Variants in PKHD1 observed in about 807,000 individuals in gnomAD.
The protein encoded by PKHD1 is PKHD1 ciliary IPT domain containing fibrocystin/polyductin.
PKHD1 carries 291 observed loss-of-function variants against 412.0 expected under a neutral mutation model. The observed-to-expected ratio is 0.71, with a 90% CI of 0.64 to 0.78. The LOEUF (loss-of-function observed/expected upper bound fraction) is 0.78. Among genes scored for constraint, PKHD1 ranks in the 30% least tolerant of loss-of-function variants. The pLI is 0.00. For synonymous variants in PKHD1, 1,777 were observed against 1,821.5 expected (o/e 0.98, Z 0.62); for missense variants, 4,825 against 4,950.7 (o/e 0.97, Z 0.76).
chr6:51,896,969 A>G (rs1036795719), intron 43 of PKHD1, among the ~76,000 whole-genome samples: 1 of 151,968 alleles, frequency 6.6e-6, no homozygotes, highest in Non-Finnish European at 1.5e-5. Flanking sequence ...GAGAAAAAAG[A>G]ATAAAAAGAA....
Position 51,680,860 on chromosome 6 carries a change from A to C in PKHD1, c.10157-20891T>G, listed in dbSNP as rs919550109. On this transcript the variant is annotated intron_variant, in intron 60 of 66. Coordinates refer to ENST00000371117, the MANE Select transcript of PKHD1 (RefSeq NM_138694.4). The stretch of plus-strand genomic sequence containing the variant: ...ACGTTTTGCTCTGAGAGCAATGCCA[A>C]TAAAACTTGAAAGGGTGTTAACTGA... Among the ~76,000 whole-genome samples, 47 of 152,178 alleles carry C rather than the reference A, an allele frequency of 3.1e-4. 1 individual carries two copies. Among genetic ancestry groups the C allele is most frequent in the Admixed American group, 2.5e-3 (38 of 15,260 alleles).
intron 53 of PKHD1, among the ~76,000 whole-genome samples, chr6:51,790,574 C>G (rs1358052068): frequency 1.3e-5 from 2 of 152,146 alleles, no homozygotes; most frequent in African/African-American, 4.8e-5. Flanking sequence ...GAGATGCTTG[C>G]CTTCTCCTCA....
chr6:52,022,921 G>A lies in PKHD1; in HGVS notation c.5260C>T (p.His1754Tyr). The change falls in exon 33 of 67, where the codon CAT becomes TAT. Residue 1754 changes from histidine (H) to tyrosine (Y), a missense_variant. Coordinates refer to ENST00000371117, the MANE Select transcript of PKHD1 (RefSeq NM_138694.4). ...NFGCLGGRLV[H>Y]VFGAGFSPGN... Reference sequence around the variant, plus strand: ...GGAGAAAATCCCGCTCCAAACACATGCACCAGCCTTCCACCCAGGCAGCCT... The same window carrying A: ...GGAGAAAATCCCGCTCCAAACACATACACCAGCCTTCCACCCAGGCAGCCT... The A allele has an allele frequency of 6.2e-7, 1 of 1,614,090 alleles. No homozygotes were observed. Among genetic ancestry groups the A allele is most frequent in the Non-Finnish European group, 8.5e-7 (1 of 1,180,012 alleles).
At chr6:51,767,478 C>G (rs1477055938) in intron 55 of PKHD1, among the ~76,000 whole-genome samples, 1 of 152,136 alleles carries the variant, frequency 6.6e-6, no homozygotes, top group East Asian at 1.9e-4. Flanking sequence ...CCCCTCACCC[C>G]ACAACAGTCC....
At chr6:51,663,088 T>C (rs1261394968) in intron 60 of PKHD1, among the ~76,000 whole-genome samples, 1 of 152,032 alleles carries the variant, frequency 6.6e-6, no homozygotes, top group African/African-American at 2.4e-5. Context: ...TTAATGGCCC[T>C]AGAAATTTTG....
In PKHD1 at chr6:51,856,107, A is replaced by C. The variant is rs765362292; in HGVS notation, c.7734-37T>G. 30 of 1,244,774 alleles carry C rather than the reference A, an allele frequency of 2.4e-5. 1 individual carries two copies. The highest frequency in any genetic ancestry group is 1.7e-4 in the Admixed American group (10 of 59,470). 77.1% of individuals were successfully genotyped at this position (1,244,774 alleles called of 1,614,324 possible). On this transcript the variant is annotated intron_variant, in intron 48 of 66. Coordinates refer to ENST00000371117, the MANE Select transcript of PKHD1 (RefSeq NM_138694.4). ...TTAAAAGGAAAAAAAATGGGTTGAG[A>C]GATTATTTGCTCATTCTGAATCCAA...
At position 51,619,436 on chromosome 6, in the gene PKHD1, C is replaced by T. The variant is rs372357820; in HGVS notation, c.11870G>A (p.Arg3957His). Residue 3957 changes from arginine (R) to histidine (H), a missense_variant, in exon 67 of 67, where the codon CGC becomes CAC. By Grantham distance (29) the Arg-to-His change is conservative. Transcript: ENST00000371117. ...MNGVSRRKVS[R>H]HIVREEEAAV... The stretch of plus-strand genomic sequence containing the variant: ...AGCCTCTTCCTCTCGGACAATGTGG[C>T]GGCTAACTTTCCTTCTGGACACTCC... 115 of 1,613,662 alleles carry T rather than the reference C, an allele frequency of 7.1e-5. No individual in the cohort carries two copies. The highest frequency in any genetic ancestry group is 3.3e-4 in the Middle Eastern group (2 of 6,060).
intron 35 of PKHD1, among the ~76,000 whole-genome samples, chr6:51,967,081 G>GTGATGCAA (rs1266390366): frequency 2.6e-5 from 4 of 152,202 alleles, no homozygotes; most frequent in African/African-American, 9.6e-5. Flanking sequence ...GGCCTTTCTA[G>GTGATGCAA]TGATGCAATG....
At chr6:52,016,572 G>A (rs1800563045) in intron 34 of PKHD1, among the ~76,000 whole-genome samples, 1 of 150,008 alleles carries the variant, frequency 6.7e-6, no homozygotes, top group Non-Finnish European at 1.5e-5. Context: ...GGAGGCAGAG[G>A]TTGCAATGAA....
intron 60 of PKHD1, among the ~76,000 whole-genome samples, chr6:51,714,056 T>G (rs776113980): frequency 3.3e-5 from 5 of 152,038 alleles, no homozygotes; most frequent in Non-Finnish European, 7.4e-5. Context: ...ATAGAAGAGA[T>G]GAAGAATTCA....
chr6:52,077,467 C>T (rs190955764), intron 5 of PKHD1, among the ~76,000 whole-genome samples: 10 of 152,340 alleles, frequency 6.6e-5, no homozygotes, highest in African/African-American at 2.4e-4. Flanking sequence ...ACCTACAGTG[C>T]TTCCCATTTG....
At chr6:52,042,813 C>T (rs1241525848) in intron 27 of PKHD1, 46 bp downstream of exon 27, 2 of 1,572,914 alleles carry the variant, frequency 1.3e-6, no homozygotes, top group Non-Finnish European at 1.7e-6. Context: ...AGCAAGAACA[C>T]TAGCTTCAGA....
In PKHD1 at chr6:51,618,947, T is replaced by C; in HGVS notation, c.*134A>G. On this transcript the variant is annotated 3_prime_UTR_variant, in exon 67 of 67. Transcript: ENST00000371117. ...TATATGACTGTTTTCCATTTTAAAG[T>C]TGAAAAAGGGATTCAGAGTCCACAT... The C allele has an allele frequency of 2.4e-6, 2 of 840,350 alleles. No individual in the cohort carries two copies. Among genetic ancestry groups the C allele is most frequent in the Admixed American group, 1.9e-5 (1 of 53,406 alleles). The allele number at this position is 840,350 out of a possible 1,614,324, so 52.1% of individuals were successfully genotyped here. A position where few individuals can be genotyped will look rare whatever the true frequency, so the allele number is the denominator to read the frequency against.
intron 35 of PKHD1, among the ~76,000 whole-genome samples, chr6:51,973,174 AAT>A (rs928019018): frequency 1.7e-4 from 26 of 152,334 alleles, no homozygotes; most frequent in African/African-American, 6.0e-4. Flanking sequence ...TTTTTTAAAA[AAT>A]ATATGTGTCT....
chr6:51,738,217 C>T (rs572180766), intron 60 of PKHD1, among the ~76,000 whole-genome samples: 30 of 152,336 alleles, frequency 2.0e-4, no homozygotes, highest in Admixed American at 6.5e-4. Flanking sequence ...AGCTAGCGCA[C>T]TCCAACACAG....
At chr6:51,695,556 G>A (rs933424893) in intron 60 of PKHD1, among the ~76,000 whole-genome samples, 19 of 152,182 alleles carry the variant, frequency 1.2e-4, no homozygotes, top group African/African-American at 4.3e-4. Context: ...TTGTATCTAT[G>A]TAACATATTC....
intron 41 of PKHD1, among the ~76,000 whole-genome samples, chr6:51,905,484 G>A (rs974322927): frequency 6.6e-6 from 1 of 152,182 alleles, no homozygotes; most frequent in Non-Finnish European, 1.5e-5. Flanking sequence ...CAGAGCCAGA[G>A]AGCTTGTGCA....
intron 60 of PKHD1, among the ~76,000 whole-genome samples, chr6:51,725,388 A>G (rs1386978773): frequency 6.6e-6 from 1 of 152,146 alleles, no homozygotes; most frequent in Non-Finnish European, 1.5e-5. Context: ...AGAAATTGAA[A>G]CCTTGCCCCT....
At chr6:52,028,464 A>G in intron 29 of PKHD1, 113 bp from the exon 30 acceptor site, 1 of 976,930 alleles carries the variant, frequency 1.0e-6, no homozygotes, top group Non-Finnish European at 1.6e-6. Context: ...CCTATGCATA[A>G]TACTCTTAAG....
Sources: allele counts gnomAD v4.1 joint callset (sites outside exome capture counted in the v4.1 genomes callset), GRCh38; gene constraint gnomAD v4.1.1; transcripts MANE v1.5; gene names NCBI Gene and HGNC (gene_info 2026-07-23, HGNC 2026-07-21).